KIDINS220: variants seen among roughly 807,000 people sequenced by gnomAD.
KIDINS220 encodes the protein kinase D interacting substrate 220.
Under a neutral mutation model 157.6 loss-of-function variants are expected in KIDINS220, and 63 were observed. The ratio of observed to expected loss-of-function variants is 0.40; its 90% CI spans 0.33 to 0.49. The LOEUF is 0.49. KIDINS220 is among the 20% of genes least tolerant of loss of function. The pLI, the probability that KIDINS220 is intolerant of heterozygous loss-of-function variation, is 0.66. For synonymous variants in KIDINS220, 732 were observed against 783.6 expected (o/e 0.93, Z 1.10); for missense variants, 1,772 against 2,171.2 (o/e 0.82, Z 3.65).
intron 22 of KIDINS220, among the ~76,000 whole-genome samples, chr2:8,764,536 A>G (rs1572555818): frequency 6.6e-6 from 1 of 152,214 alleles, no homozygotes. Flanking sequence ...TTTTAGCATC[A>G]CCTGACATAA....
At chr2:8,734,071 G>A (rs969550103) in intron 28 of KIDINS220, among the ~76,000 whole-genome samples, 1 of 152,122 alleles carries the variant, frequency 6.6e-6, no homozygotes, top group Admixed American at 6.6e-5. Context: ...ACAGAAGGGA[G>A]TCCAACTCGG....
Position 8,731,310 on chromosome 2 carries a change from C to T in KIDINS220, c.4726G>A (p.Ala1576Thr), listed in dbSNP as rs1664055239. Residue 1576 changes from alanine to threonine, a missense_variant, in exon 30 of 30, where the codon GCG becomes ACG. By Grantham distance (58) the Ala-to-Thr change is moderately conservative. This residue lies in a region of KIDINS220 where 793 missense variants were observed against 885.5 expected (regional missense o/e 0.90). Coordinates refer to ENST00000256707, the MANE Select transcript of KIDINS220 (RefSeq NM_020738.4). This position sits in a 1 kb window ranked among gnomAD's most constrained non-coding sequence, Gnocchi z 5.2. Reference protein sequence around the residue: ...FIKAKEYLSDALLDKKDSSDS... With the variant: ...FIKAKEYLSDTLLDKKDSSDS... The stretch of plus-strand genomic sequence containing the variant: ...GATGAATCCTTTTTGTCAAGGAGCG[C>T]ATCCGATAAATACTCTTTGGCTTTA... The T allele has an allele frequency of 1.9e-6, 3 of 1,614,058 alleles. No individual in the cohort carries two copies. The highest frequency in any genetic ancestry group is 2.5e-6 in the Non-Finnish European group (3 of 1,180,060).
intron 4 of KIDINS220, 49 bp from the exon 5 acceptor site, chr2:8,813,384 G>T: frequency 7.9e-7 from 1 of 1,264,270 alleles, no homozygotes; most frequent in South Asian, 1.3e-5. Context: ...AATCATCTCT[G>T]AGTATAAAAA....
intron 9 of KIDINS220, among the ~76,000 whole-genome samples, chr2:8,799,096 CCATTT>C (rs1674349326): frequency 1.3e-5 from 2 of 152,148 alleles, no homozygotes; most frequent in South Asian, 4.1e-4. Flanking sequence ...TACCCGCCTC[CCATTT>C]CATTTCTCCA....
chr2:8,769,375 C>T (rs1669884426), intron 22 of KIDINS220, among the ~76,000 whole-genome samples: 1 of 152,154 alleles, frequency 6.6e-6, no homozygotes, highest in African/African-American at 2.4e-5. Flanking sequence ...GAATCTAAAG[C>T]AGCCACAAAT....
intron 4 of KIDINS220, among the ~76,000 whole-genome samples, chr2:8,814,383 T>C (rs753315175): frequency 1.8e-4 from 28 of 152,218 alleles, no homozygotes; most frequent in Non-Finnish European, 3.2e-4. Context: ...ATATTAGTAC[T>C]GGGCTATAAC....
chr2:8,812,349 G>A (rs1676440300), intron 6 of KIDINS220, 46 bp downstream of exon 6: 1 of 967,552 alleles, frequency 1.0e-6, no homozygotes, highest in South Asian at 1.7e-5. Flanking sequence ...TAGACACTGA[G>A]TGGACATAAC....
At chr2:8,825,470 A>C (rs990591234) in intron 2 of KIDINS220, among the ~76,000 whole-genome samples, 2 of 152,064 alleles carry the variant, frequency 1.3e-5, no homozygotes, top group African/African-American at 4.8e-5. Context: ...AAGATAGTAA[A>C]GACAATAAAT....
intron 6 of KIDINS220, 38 bp downstream of exon 6, chr2:8,812,356 TA>T (rs772761473): frequency 9.8e-6 from 11 of 1,120,742 alleles, no homozygotes; most frequent in Admixed American, 3.9e-5. Flanking sequence ...TGAGTGGACA[TA>T]ACATGGACTG....
At chr2:8,735,250 G>A (rs1664699932) in intron 27 of KIDINS220, among the ~76,000 whole-genome samples, 1 of 152,174 alleles carries the variant, frequency 6.6e-6, no homozygotes, top group South Asian at 2.1e-4. Context: ...AAATTCACAA[G>A]GCCCGGCGCG....
chr2:8,725,069 T>TA (rs1359722394), downstream of KIDINS220: 1 of 151,906 alleles, frequency 6.6e-6, no homozygotes, highest in Non-Finnish European at 1.5e-5. Context: ...AAAAGAAAAA[T>TA]ATATGACAAC....
Position 8,747,216 on chromosome 2 carries a change from C to T in KIDINS220, c.3529-15G>A. Reference sequence around the variant, plus strand: ...TTGATAACTTCCTAACAACACAAAACAGGAGAGTGTGGGTGAAAAGGGGAA... The same window carrying T: ...TTGATAACTTCCTAACAACACAAAATAGGAGAGTGTGGGTGAAAAGGGGAA... On this transcript the variant is annotated splice_polypyrimidine_tract_variant and intron_variant, in intron 25 of 29. Transcript: ENST00000256707. 6.2e-7 allele frequency: 1 copy of T among 1,613,724 alleles called. No homozygotes were observed. The highest frequency in any genetic ancestry group is 8.5e-7 in the Non-Finnish European group (1 of 1,179,684).
intron 5 of KIDINS220, 146 bp downstream of exon 5, chr2:8,813,091 C>T (rs968280534): frequency 3.8e-6 from 2 of 528,928 alleles, no homozygotes; most frequent in East Asian, 3.2e-5. Context: ...ATTATCATTA[C>T]TGTGTTTTGA....
intron 11 of KIDINS220, 30 bp downstream of exon 11, chr2:8,796,741 T>C: frequency 1.9e-6 from 3 of 1,540,874 alleles, no homozygotes; most frequent in Non-Finnish European, 2.7e-6. Flanking sequence ...CAGCTTTCCA[T>C]ACAGTGTTCT....
chr2:8,794,713 C>G (rs925285382), intron 11 of KIDINS220, among the ~76,000 whole-genome samples: 1 of 152,170 alleles, frequency 6.6e-6, no homozygotes, highest in Non-Finnish European at 1.5e-5. Context: ...TTCAAAAGTC[C>G]TCTTCGGGCT....
At chr2:8,781,153 A>ATATATAAAATATATAT (rs70946383) in intron 17 of KIDINS220, among the ~76,000 whole-genome samples, 4 of 130,394 alleles carry the variant, frequency 3.1e-5, no homozygotes, top group East Asian at 4.3e-4. Context: ...ATATATATAT[A>ATATATAAAATATATAT]ATATATATAT....
chr2:8,823,068 T>C (rs943039577), intron 2 of KIDINS220, among the ~76,000 whole-genome samples: 5 of 152,100 alleles, frequency 3.3e-5, no homozygotes, highest in Admixed American at 3.3e-4. Context: ...CTTGAACTCC[T>C]GGGGTCAAGC....
chr2:8,807,304 G>A (rs1232368318), intron 6 of KIDINS220, among the ~76,000 whole-genome samples: 4 of 152,166 alleles, frequency 2.6e-5, no homozygotes, highest in African/African-American at 9.7e-5. Flanking sequence ...CCTCTGGGGA[G>A]GCTAGCGATC....
At chr2:8,833,872 A>C (rs1049427003) in intron 1 of KIDINS220, among the ~76,000 whole-genome samples, 1 of 152,160 alleles carries the variant, frequency 6.6e-6, no homozygotes, top group African/African-American at 2.4e-5. Flanking sequence ...AAAATCTCTA[A>C]ATGTATTCAA....
Sources: gnomAD v4.1 joint callset for allele counts (sites outside exome capture counted in the v4.1 genomes callset) on GRCh38, gnomAD v4.1.1 for gene constraint, gnomAD v4.1.1 regional missense constraint, Gnocchi (gnomAD v3.1) non-coding constraint, MANE v1.5 for transcripts, NCBI Gene and HGNC (gene_info 2026-07-23, HGNC 2026-07-21) for gene names.